The following PSME3 variants were observed in gnomAD, a reference collection of about 807,000 sequenced individuals.
PSME3 encodes proteasome activator complex subunit 3.
In PSME3, 7 loss-of-function variants were observed where a neutral mutation model predicts 38.3. That is an observed-to-expected ratio of 0.18 (90% confidence interval 0.10 to 0.34). PSME3 has a LOEUF of 0.34. Among genes scored for constraint, PSME3 ranks in the 10% least tolerant of loss-of-function variants. The pLI is 1.00. For missense variants in PSME3, 192 were observed against 307.6 expected, an observed-to-expected ratio of 0.62 and a Z score of 2.81; for synonymous variants, 108 against 105.7, an observed-to-expected ratio of 1.02 and a Z score of -0.13.
chr17:42,833,578 T>A lies in PSME3; in HGVS notation c.-54T>A. On this transcript the variant is annotated 5_prime_UTR_variant, in exon 1 of 11. Transcript: ENST00000590720. ...TCTCAGGTCCCTCCGGCCCCCTCCC[T>A]GGAGTCCACAGCGCCTCCGGTGTCC... is the stretch of plus-strand genomic sequence containing the variant. The A allele has an allele frequency of 6.2e-7, 1 of 1,612,134 alleles. No individual in the cohort carries two copies. The highest frequency in any genetic ancestry group is 8.5e-7 in the Non-Finnish European group (1 of 1,178,570).
Position 42,833,656 on chromosome 17 carries a change from C to G in PSME3, c.25C>G (p.Gln9Glu), listed in dbSNP as rs181426790. 6.2e-7 allele frequency: 1 copy of G among 1,614,218 alleles called. No homozygotes were observed. Among genetic ancestry groups the G allele is most frequent in the Non-Finnish European group, 8.5e-7 (1 of 1,180,028 alleles). ...CATGGCCTCGTTGCTGAAGGTGGAT[C>G]AGGAAGTGAAGCTCAAGGTAGCGGC... MASLLKVD[Q>E]EVKLKVDSFR... is the part of the protein sequence containing the mutation. The change falls in exon 1 of 11, where the codon CAG becomes GAG. Residue 9 changes from glutamine to glutamate, a missense_variant. Transcript: ENST00000590720.
chr17:42,833,473 G>GCGGA lies in PSME3; in HGVS notation c.-155_-152dup. On this transcript the variant is annotated 5_prime_UTR_variant, in exon 1 of 11. Coordinates refer to ENST00000590720, the MANE Select transcript of PSME3 (RefSeq NM_005789.4). ...CAGGCAGCAGGCTGCCGGCGGGCGG[G>GCGGA]CGGACGGCACAGAGGGAGGGAGCGA... is the stretch of plus-strand genomic sequence containing the variant. 1 of 820,702 alleles carries GCGGA rather than the reference G, an allele frequency of 1.2e-6. No homozygotes were observed. Among genetic ancestry groups the GCGGA allele is most frequent in the Non-Finnish European group, 1.9e-6 (1 of 526,890 alleles). The allele number at this position is 820,702 out of a possible 1,614,324, so 50.8% of individuals were successfully genotyped here. A position where few individuals can be genotyped will look rare whatever the true frequency, so the allele number is the denominator to read the frequency against.
Position 42,842,185 on chromosome 17 carries a change from A to G in PSME3, c.*607A>G, listed in dbSNP as rs539658871. On this transcript the variant is annotated 3_prime_UTR_variant, in exon 11 of 11. Coordinates refer to ENST00000590720, the MANE Select transcript of PSME3 (RefSeq NM_005789.4). ...TTCCGAAGCTCCTTCAGTTGTTTTTATAATGGGCGTTTTCACATGCACATA... is the reference window on the plus strand; with the variant it reads ...TTCCGAAGCTCCTTCAGTTGTTTTTGTAATGGGCGTTTTCACATGCACATA... The G allele has an allele frequency of 6.6e-6, 1 of 152,652 alleles. No individual in the cohort carries two copies. The highest frequency in any genetic ancestry group is 2.4e-5 in the African/African-American group (1 of 41,568). 9.5% of individuals were successfully genotyped at this position (152,652 alleles called of 1,614,324 possible). A position where few individuals can be genotyped will look rare whatever the true frequency, so the allele number is the denominator to read the frequency against.
In PSME3 at chr17:42,841,688, C is replaced by T. The variant is rs1026144081; in HGVS notation, c.*110C>T. ...AAACTGGCTGGAAATAGTAATCACACCTCTCTGTTTTTAGTTAGAGTCTAA... is the reference window on the plus strand; with the variant it reads ...AAACTGGCTGGAAATAGTAATCACATCTCTCTGTTTTTAGTTAGAGTCTAA... On this transcript the variant is annotated 3_prime_UTR_variant, in exon 11 of 11. Coordinates refer to ENST00000590720, the MANE Select transcript of PSME3 (RefSeq NM_005789.4). 1.1e-5 allele frequency: 7 copies of T among 655,154 alleles called. No homozygotes were observed. The highest frequency in any genetic ancestry group is 1.7e-5 in the Non-Finnish European group (7 of 404,198). The allele number at this position is 655,154 out of a possible 1,614,324, so 40.6% of individuals were successfully genotyped here. A position where few individuals can be genotyped will look rare whatever the true frequency, so the allele number is the denominator to read the frequency against.
intron 4 of PSME3, among the ~76,000 whole-genome samples, chr17:42,835,834 T>A (rs890426529): frequency 4.6e-5 from 7 of 152,220 alleles, no homozygotes; most frequent in African/African-American, 1.7e-4. Flanking sequence ...TTATGGGATA[T>A]GCAGTTCTCG....
chr17:42,837,511 A>G (rs1206044325), intron 4 of PSME3, 138 bp from the exon 5 acceptor site: 3 of 968,760 alleles, frequency 3.1e-6, no homozygotes, highest in Non-Finnish European at 4.9e-6. Flanking sequence ...AAAGCTTTGT[A>G]TGTACTTAGG....
chr17:42,838,710 C>T, intron 6 of PSME3, 21 bp from the exon 7 acceptor site: 1 of 1,609,018 alleles, frequency 6.2e-7, no homozygotes, highest in Non-Finnish European at 8.5e-7. Context: ...CAAAGGTCCT[C>T]ATATATGTTT....
chr17:42,841,524 A>C lies in PSME3; in HGVS notation c.711A>C (p.Lys237Asn). ...TCACTCTACATGACATGATCCTGAAAAATATCGAGAAGATCAAACGGCCCC... is the reference window on the plus strand; with the variant it reads ...TCACTCTACATGACATGATCCTGAACAATATCGAGAAGATCAAACGGCCCC... ...QYVTLHDMIL[K>N]NIEKIKRPRS... Residue 237 changes from lysine to asparagine, a missense_variant, in exon 11 of 11, where the codon AAA becomes AAC. Physicochemically the swap from Lys to Asn is moderately conservative, Grantham distance 94. Around this residue, in one of 2 missense-constraint regions of PSME3, gnomAD observed 82 missense variants for 168.2 expected, o/e 0.49. Coordinates refer to ENST00000590720, the MANE Select transcript of PSME3 (RefSeq NM_005789.4). The C allele has an allele frequency of 6.2e-7, 1 of 1,609,794 alleles. No homozygotes were observed.
intron 4 of PSME3, among the ~76,000 whole-genome samples, chr17:42,836,391 A>T (rs2055464377): frequency 6.6e-6 from 1 of 152,170 alleles, no homozygotes; most frequent in Non-Finnish European, 1.5e-5. Context: ...TTGTTAACTG[A>T]ATAATGTGTT....
At chr17:42,839,456 G>A in intron 10 of PSME3, 76 bp downstream of exon 10, 2 of 1,226,946 alleles carry the variant, frequency 1.6e-6, no homozygotes, top group Non-Finnish European at 2.4e-6. Context: ...AAAATTCTCT[G>A]AAGGGCTGAG....
At chr17:42,834,452 G>GAA in intron 2 of PSME3, 63 bp from the exon 3 acceptor site, 1 of 1,607,266 alleles carries the variant, frequency 6.2e-7, no homozygotes. Flanking sequence ...GAGAGAGAGA[G>GAA]AGAGAGAGAG....
intron 3 of PSME3, 51 bp downstream of exon 3, chr17:42,834,628 A>G (rs1172418225): frequency 3.1e-6 from 5 of 1,610,730 alleles, no homozygotes; most frequent in East Asian, 2.2e-5. Flanking sequence ...TGGCCCTGGT[A>G]TTACTGTCAA....
At chr17:42,838,645 C>T in intron 6 of PSME3, 86 bp from the exon 7 acceptor site, 2 of 1,280,998 alleles carry the variant, frequency 1.6e-6, no homozygotes, top group South Asian at 1.2e-5. Flanking sequence ...TTCTGTGTTC[C>T]TGGCATCTGG....
Position 42,841,626 on chromosome 17 carries a change from C to A in PSME3, c.*48C>A, listed in dbSNP as rs752478333. On this transcript the variant is annotated 3_prime_UTR_variant, in exon 11 of 11. Coordinates refer to ENST00000590720, the MANE Select transcript of PSME3 (RefSeq NM_005789.4). ...CTCTGTGAGTCTGGCTCAAGACCGA[C>A]ATTGCCTTGGTTTGTTACATGACTA... 2 of 1,347,942 alleles carry A rather than the reference C, an allele frequency of 1.5e-6. No homozygotes were observed. 83.5% of individuals were successfully genotyped at this position (1,347,942 alleles called of 1,614,324 possible).
intron 1 of PSME3, 109 bp downstream of exon 1, chr17:42,833,782 G>T: frequency 6.2e-7 from 1 of 1,603,324 alleles, no homozygotes; most frequent in Non-Finnish European, 8.5e-7. Flanking sequence ...CCAGCTCTGA[G>T]CTTCCGCTCG....
chr17:42,840,801 G>A (rs1452354067), intron 10 of PSME3, among the ~76,000 whole-genome samples: 1 of 152,114 alleles, frequency 6.6e-6, no homozygotes, highest in Admixed American at 6.6e-5. Context: ...AAGAGAGGTG[G>A]TGCTGCCACC....
At chr17:42,836,175 T>G (rs1179698336) in intron 4 of PSME3, among the ~76,000 whole-genome samples, 2 of 151,874 alleles carry the variant, frequency 1.3e-5, no homozygotes, top group African/African-American at 2.4e-5. Flanking sequence ...CAGCCAATTT[T>G]TTTATTTTTA....
In PSME3 at chr17:42,841,974, T is replaced by C. The variant is rs1220913637; in HGVS notation, c.*396T>C. The C allele has an allele frequency of 6.4e-6, 1 of 156,998 alleles. No individual in the cohort carries two copies. The highest frequency in any genetic ancestry group is 1.4e-5 in the Non-Finnish European group (1 of 70,864). 9.7% of individuals were successfully genotyped at this position (156,998 alleles called of 1,614,324 possible). A position where few individuals can be genotyped will look rare whatever the true frequency, so the allele number is the denominator to read the frequency against. On this transcript the variant is annotated 3_prime_UTR_variant, in exon 11 of 11. Transcript: ENST00000590720. Reference sequence around the variant, plus strand: ...AGGGAACCGGAAGGAAAGTGCTAGGTGTTTTTTAGGAACTAGGGTGGCGGG... The same window carrying C: ...AGGGAACCGGAAGGAAAGTGCTAGGCGTTTTTTAGGAACTAGGGTGGCGGG...
rs2055550261 is a variant in PSME3 at position 42,842,761 on chromosome 17, C to T, written c.*1183C>T. On this transcript the variant is annotated 3_prime_UTR_variant, in exon 11 of 11. Transcript: ENST00000590720. ...GTTGCCTCCTGTCTCTCGAATCTTC[C>T]AGAGATATCACTTAATTGTTAACAG... 6.5e-6 allele frequency: 1 copy of T among 152,766 alleles called. No homozygotes were observed. Among genetic ancestry groups the T allele is most frequent in the Non-Finnish European group, 1.5e-5 (1 of 68,042 alleles). 9.5% of individuals were successfully genotyped at this position (152,766 alleles called of 1,614,324 possible).
Sources: allele counts gnomAD v4.1 joint callset (sites outside exome capture counted in the v4.1 genomes callset), GRCh38; gene constraint gnomAD v4.1.1; regional missense constraint gnomAD v4.1.1; transcripts MANE v1.5; gene names NCBI Gene and HGNC (gene_info 2026-07-23, HGNC 2026-07-21).